The following THSD1 variants were observed in gnomAD, a reference collection of about 807,000 sequenced individuals.
THSD1 encodes thrombospondin type 1 domain containing 1.
Under a neutral mutation model 46.3 loss-of-function variants are expected in THSD1, and 34 were observed. The ratio of observed to expected loss-of-function variants is 0.74; its 90% CI spans 0.56 to 0.98. The LOEUF is 0.98. THSD1 is among the 50% of genes least tolerant of loss of function. The pLI is 0.00. For missense variants in THSD1, 1,023 were observed against 1,058.3 expected, an observed-to-expected ratio of 0.97 and a Z score of 0.46; for synonymous variants, 407 against 416.5, an observed-to-expected ratio of 0.98 and a Z score of 0.28.
chr13:52,395,607 A>C (rs184724995), intron 3 of THSD1, among the ~76,000 whole-genome samples: 4 of 152,286 alleles, frequency 2.6e-5, no homozygotes, highest in Admixed American at 1.3e-4. Context: ...GTGTGTGAAG[A>C]GTAAATGAGA....
In THSD1 at chr13:52,377,846, T is replaced by G. The variant is rs777958456; in HGVS notation, c.2124A>C (p.Lys708Asn). The G allele has an allele frequency of 6.2e-7, 1 of 1,614,130 alleles. No homozygotes were observed. Among genetic ancestry groups the G allele is most frequent in the Admixed American group, 1.7e-5 (1 of 60,020 alleles). Residue 708 changes from lysine (K) to asparagine (N), a missense_variant, in exon 5 of 5, where the codon AAA becomes AAC. By Grantham distance (94) the Lys-to-Asn change is moderately conservative. Transcript: ENST00000258613. ...QSRGAHLFPE[K>N]LEHFQEASGT... is the part of the protein sequence containing the mutation. ...CACTTGCCTCTTGGAAATGCTCCAGTTTTTCAGGAAACAGGTGGGCACCTC... is the reference window on the plus strand; with the variant it reads ...CACTTGCCTCTTGGAAATGCTCCAGGTTTTCAGGAAACAGGTGGGCACCTC...
chr13:52,387,086 T>C (rs9536053), intron 3 of THSD1, among the ~76,000 whole-genome samples: 7,525 of 152,090 alleles, frequency 0.049, 212 homozygotes, highest in South Asian at 0.07. Flanking sequence ...AAATATCAAA[T>C]AACAACAGTC....
chr13:52,382,267 T>C (rs1957699025), intron 4 of THSD1, among the ~76,000 whole-genome samples: 3 of 152,194 alleles, frequency 2.0e-5, no homozygotes, highest in African/African-American at 7.2e-5. Flanking sequence ...TTGCCAGTAC[T>C]AAAATCCTGG....
chr13:52,393,905 C>T (rs1423249586), intron 3 of THSD1, among the ~76,000 whole-genome samples: 1 of 152,210 alleles, frequency 6.6e-6, no homozygotes, highest in Non-Finnish European at 1.5e-5. Context: ...AATTTCATTT[C>T]TCAGACCAAC....
chr13:52,401,969 G>A (rs1050299884), intron 2 of THSD1, among the ~76,000 whole-genome samples: 7 of 152,190 alleles, frequency 4.6e-5, no homozygotes, highest in Admixed American at 6.5e-5. Context: ...TAGGTGAAAC[G>A]AATGACGAGA....
At chr13:52,397,127 C>T in intron 3 of THSD1, 105 bp downstream of exon 3, 1 of 1,020,932 alleles carries the variant, frequency 9.8e-7, no homozygotes, top group Non-Finnish European at 1.4e-6. Flanking sequence ...AAGGCATGAA[C>T]CATAAAAATG....
intron 2 of THSD1, among the ~76,000 whole-genome samples, chr13:52,399,350 G>A (rs953120906): frequency 3.3e-5 from 5 of 152,182 alleles, no homozygotes; most frequent in African/African-American, 1.2e-4. Flanking sequence ...CTGGCCCGTG[G>A]CTAGGGTAAG....
chr13:52,387,585 T>C (rs1013537127), intron 3 of THSD1, among the ~76,000 whole-genome samples: 5 of 152,060 alleles, frequency 3.3e-5, no homozygotes, highest in Non-Finnish European at 7.4e-5. Context: ...GTGGAAAAGG[T>C]GAACAAGATG....
chr13:52,389,742 A>G (rs1957759323), intron 3 of THSD1, among the ~76,000 whole-genome samples: 1 of 152,182 alleles, frequency 6.6e-6, no homozygotes, highest in African/African-American at 2.4e-5. Context: ...GCTTCAAAAT[A>G]CACACAAAAC....
At chr13:52,378,835 G>A (rs766616234) in intron 4 of THSD1, 46 bp from the exon 5 acceptor site, 44 of 1,461,334 alleles carry the variant, frequency 3.0e-5, no homozygotes, top group Non-Finnish European at 3.7e-5. Context: ...AAACACAGAG[G>A]AACAGATGTA....
At chr13:52,402,519 G>A (rs922867824) in intron 2 of THSD1, 24 bp downstream of exon 2, 73 of 1,606,094 alleles carry the variant, frequency 4.5e-5, no homozygotes, top group Admixed American at 8.4e-5. Flanking sequence ...TACCAGTAGC[G>A]TTAAGTATAC....
rs898056895 is a variant in THSD1 at position 52,397,422 on chromosome 13, C to A, written c.831G>T (p.Glu277Asp). ...FVQGVVTVFKEAPRYPGKRTI... is the reference protein window; with the variant it reads ...FVQGVVTVFKDAPRYPGKRTI... ...TCCTCTTCCCAGGGTATCTGGGGGC[C>A]TCCTTGAAGACAGTGACCACTCCTT... The change falls in exon 3 of 5, where the codon GAG becomes GAT. Residue 277 changes from glutamate to aspartate, a missense_variant. Glu to Asp is a conservative substitution (Grantham distance 45). This residue lies in a region of THSD1 where 429 missense variants were observed against 518.3 expected (regional missense o/e 0.83). Coordinates refer to ENST00000258613, the MANE Select transcript of THSD1 (RefSeq NM_018676.4). The A allele has an allele frequency of 8.7e-6, 14 of 1,614,020 alleles. No homozygotes were observed. The African/African-American group carries it at 1.5e-4, about 17-fold the overall frequency.
intron 4 of THSD1, chr13:52,384,433 T>C (rs1342632264): frequency 4.4e-6 from 2 of 455,822 alleles, no homozygotes; most frequent in South Asian, 3.1e-5. Context: ...ATCTGCAATG[T>C]GGAAATAAGA....
chr13:52,403,550 C>T (rs1957880756), intron 1 of THSD1, among the ~76,000 whole-genome samples: 1 of 152,138 alleles, frequency 6.6e-6, no homozygotes, highest in Admixed American at 6.5e-5. Flanking sequence ...GGCGAGATCT[C>T]GGCTCACTGC....
At chr13:52,396,202 CAG>C (rs111372437) in intron 3 of THSD1, among the ~76,000 whole-genome samples, 2,613 of 152,144 alleles carry the variant, frequency 0.017, 73 homozygotes, top group Admixed American at 0.08. Flanking sequence ...CTTGTGTAGT[CAG>C]GGGACACTGG....
chr13:52,389,087 A>G (rs999287061), intron 3 of THSD1, among the ~76,000 whole-genome samples: 1 of 151,978 alleles, frequency 6.6e-6, no homozygotes, highest in Non-Finnish European at 1.5e-5. Context: ...CAGCCTCCCA[A>G]GTAGCTGGGA....
rs111246721 is a variant in THSD1, at chr13:52,405,901, G to T, written c.-82+130C>A. On this transcript the variant is annotated intron_variant, in intron 1 of 4. Coordinates refer to ENST00000258613, the MANE Select transcript of THSD1 (RefSeq NM_018676.4). ...GCCGAGGCGGGTGTGGGGAGGGGCC[G>T]CCACCGTCCACCTGCGCCTTCAGGC... 1,193 of 152,390 alleles carry T rather than the reference G, an allele frequency of 7.8e-3. 11 individuals are homozygous for T. The highest frequency in any genetic ancestry group is 0.012 in the Non-Finnish European group (851 of 68,112). The allele number at this position is 152,390 out of a possible 1,614,324, so 9.4% of individuals were successfully genotyped here. A position where few individuals can be genotyped will look rare whatever the true frequency, so the allele number is the denominator to read the frequency against.
At chr13:52,386,855 T>C (rs1385717782) in intron 3 of THSD1, among the ~76,000 whole-genome samples, 1 of 152,160 alleles carries the variant, frequency 6.6e-6, no homozygotes, top group African/African-American at 2.4e-5. Context: ...CACCAGTTGA[T>C]ATCAACTGCT....
At position 52,389,958 on chromosome 13, in the gene THSD1, A is replaced by G. The variant is rs140493768; in HGVS notation, c.1022-3772T>C. 1.9e-4 allele frequency among the ~76,000 whole-genome samples: 29 copies of G among 152,074 alleles called. No homozygotes were observed. In the South Asian group the frequency reaches 4.2e-3, roughly 22 times the overall value. ...AGTTTGAGACCAGCCTGGGCAACAT[A>G]GCAAAAACCCATCTCTACAAAAAAT... On this transcript the variant is annotated intron_variant, in intron 3 of 4. Coordinates refer to ENST00000258613, the MANE Select transcript of THSD1 (RefSeq NM_018676.4).
Sources: allele counts gnomAD v4.1 joint callset (sites outside exome capture counted in the v4.1 genomes callset), GRCh38; gene constraint gnomAD v4.1.1; regional missense constraint gnomAD v4.1.1; transcripts MANE v1.5; gene names NCBI Gene and HGNC (gene_info 2026-07-23, HGNC 2026-07-21).